Variants in CELF1 observed in about 807,000 individuals in gnomAD.
CELF1 encodes the protein 50 kDa nuclear polyadenylated RNA-binding protein.
A neutral mutation model predicts 61.8 loss-of-function variants in CELF1; 10 were observed. The observed-to-expected ratio is 0.16, with a 90% CI of 0.10 to 0.27. The LOEUF (loss-of-function observed/expected upper bound fraction) is 0.27, where lower values mean the gene tolerates loss of function less well. Ranked by LOEUF, CELF1 falls within the 10% of genes least tolerant of loss-of-function variation. The probability of loss-of-function intolerance (pLI) is 1.00; values close to 1 mark genes in which losing one functional copy is unlikely to be tolerated. For missense variants in CELF1, 380 were observed against 639.1 expected, an observed-to-expected ratio of 0.59 and a Z score of 4.37; for synonymous variants, 236 against 225.1, an observed-to-expected ratio of 1.05 and a Z score of -0.43.
At chr11:47,560,491 C>A (rs1024007867) in intron 2 of CELF1, among the ~76,000 whole-genome samples, 1 of 152,084 alleles carries the variant, frequency 6.6e-6, no homozygotes, top group Admixed American at 6.6e-5. Context: ...ACAAAGACCA[C>A]ATGTTGTATG....
intron 1 of CELF1, among the ~76,000 whole-genome samples, chr11:47,516,695 G>C (rs1296257942): frequency 6.6e-6 from 1 of 151,780 alleles, no homozygotes; most frequent in Non-Finnish European, 1.5e-5. Context: ...CTGCCTCCCA[G>C]TTGTAAGCAA....
At chr11:47,488,219 A>T (rs1327770730) in intron 4 of CELF1, among the ~76,000 whole-genome samples, 2 of 152,212 alleles carry the variant, frequency 1.3e-5, no homozygotes, top group Admixed American at 6.5e-5. Context: ...ATACGGGGCA[A>T]AGTTAATACC....
intron 3 of CELF1, chr11:47,495,949 C>T (rs1180035801): frequency 3.0e-6 from 3 of 983,996 alleles, no homozygotes; most frequent in African/African-American, 1.7e-5. Flanking sequence ...TTACCAATCC[C>T]TCCACCTCCC....
chr11:47,559,122 G>A (rs1197497993), intron 2 of CELF1, among the ~76,000 whole-genome samples: 2 of 146,350 alleles, frequency 1.4e-5, no homozygotes, highest in Non-Finnish European at 3.0e-5. Context: ...TTGAGACGGA[G>A]TCTTGCTCTG....
chr11:47,558,587 ATTTATATTAT>A, intron 2 of CELF1, among the ~76,000 whole-genome samples: 1 of 111,036 alleles, frequency 9.0e-6, no homozygotes, highest in African/African-American at 3.8e-5. Context: ...ATATATATAT[ATTTATATTAT>A]ATATGTATAA....
At chr11:47,476,216 C>T (rs1476078670) in intron 12 of CELF1, among the ~76,000 whole-genome samples, 1 of 152,040 alleles carries the variant, frequency 6.6e-6, no homozygotes, top group Admixed American at 6.6e-5. Context: ...TGGTCTGGAA[C>T]TTGTGACCTA....
chr11:47,519,246 G>A (rs917573429), intron 1 of CELF1, among the ~76,000 whole-genome samples: 3 of 151,894 alleles, frequency 2.0e-5, no homozygotes, highest in Non-Finnish European at 2.9e-5. Context: ...TTGGGAGGCC[G>A]AGGCAGGTGG....
intron 3 of CELF1, chr11:47,494,238 G>C: frequency 1.2e-5 from 3 of 256,094 alleles, no homozygotes; most frequent in Non-Finnish European, 1.8e-5. Context: ...AGGAAGATCA[G>C]AAAGTGGCAA....
intron 1 of CELF1, among the ~76,000 whole-genome samples, chr11:47,540,435 ATGACTT>A (rs1478737828): frequency 2.0e-5 from 3 of 152,350 alleles, no homozygotes; most frequent in Admixed American, 6.5e-5. Context: ...CTGCTATAAA[ATGACTT>A]TGAACACAAA....
chr11:47,489,932 C>CTTTTTTTTTTTT (rs530410346), intron 3 of CELF1, among the ~76,000 whole-genome samples: 13 of 23,438 alleles, frequency 5.5e-4, no homozygotes, highest in South Asian at 2.5e-3. Flanking sequence ...AACATACCAT[C>CTTTTTTTTTTTT]TTGTTTTTTT....
intron 1 of CELF1, among the ~76,000 whole-genome samples, chr11:47,546,253 T>TTTGG (rs2096944135): frequency 4.2e-5 from 1 of 23,562 alleles, no homozygotes; most frequent in African/African-American, 1.5e-4. Context: ...TTTTTTTTTT[T>TTTGG]GGGCGGGGGC....
At chr11:47,558,160 A>G (rs901810455) in intron 2 of CELF1, among the ~76,000 whole-genome samples, 1 of 151,946 alleles carries the variant, frequency 6.6e-6, no homozygotes, top group South Asian at 2.1e-4. Context: ...CATGGCCGGA[A>G]AGAAAACTCT....
At chr11:47,531,588 C>CAAAG (rs1213394185) in intron 1 of CELF1, among the ~76,000 whole-genome samples, 9 of 151,506 alleles carry the variant, frequency 5.9e-5, no homozygotes, top group Admixed American at 3.3e-4. Context: ...AACAAACAAA[C>CAAAG]AGTAAGACCC....
At chr11:47,504,712 A>C (rs895250584) in intron 1 of CELF1, among the ~76,000 whole-genome samples, 5 of 151,140 alleles carry the variant, frequency 3.3e-5, no homozygotes, top group Non-Finnish European at 7.4e-5. Context: ...GACCAGTTTG[A>C]TCAACATGGT....
chr11:47,469,780 T>A lies in CELF1; in HGVS notation c.*2450A>T, dbSNP rs2077282987. On this transcript the variant is annotated 3_prime_UTR_variant, in exon 15 of 15. Transcript: ENST00000687097. ...CAGGTATGAAGCCCTCAGGGTCTGG[T>A]ATCAAAGGTGGGTGGATTGCACCTT... 1 of 152,170 alleles carries A rather than the reference T, an allele frequency of 6.6e-6. No individual in the cohort carries two copies. Among genetic ancestry groups the A allele is most frequent in the Admixed American group, 6.5e-5 (1 of 15,270 alleles). The allele number at this position is 152,170 out of a possible 1,614,324, so 9.4% of individuals were successfully genotyped here.
chr11:47,491,826 G>A (rs1245978001), intron 3 of CELF1, among the ~76,000 whole-genome samples: 3 of 152,174 alleles, frequency 2.0e-5, no homozygotes, highest in Non-Finnish European at 4.4e-5. Flanking sequence ...TTCAAAGTAA[G>A]CACTCAAATG....
chr11:47,536,695 G>C, intron 1 of CELF1, among the ~76,000 whole-genome samples: 1 of 152,084 alleles, frequency 6.6e-6, no homozygotes, highest in East Asian at 1.9e-4. Context: ...GGGAAGCGGG[G>C]GCTGCAGAGC....
chr11:47,525,549 T>G (rs1325316404), intron 1 of CELF1, among the ~76,000 whole-genome samples: 3 of 152,180 alleles, frequency 2.0e-5, no homozygotes, highest in African/African-American at 7.2e-5. Context: ...TAGGTACAAG[T>G]GATCCACTCA....
At chr11:47,533,631 A>ATAAATAC (rs1555188496) in intron 1 of CELF1, among the ~76,000 whole-genome samples, 1 of 29,396 alleles carries the variant, frequency 3.4e-5, no homozygotes, top group Admixed American at 2.8e-4. Flanking sequence ...TCAAAAAATA[A>ATAAATAC]ATAAATACAT....
Sources: gnomAD v4.1 joint callset for allele counts (sites outside exome capture counted in the v4.1 genomes callset) on GRCh38, gnomAD v4.1.1 for gene constraint, MANE v1.5 for transcripts, NCBI Gene and HGNC (gene_info 2026-07-23, HGNC 2026-07-21) for gene names.